The following IRAK3 variants were observed in gnomAD, a reference collection of about 807,000 sequenced individuals.
The protein encoded by IRAK3 is interleukin 1 receptor associated kinase 3.
IRAK3 carries 57 observed loss-of-function variants against 56.6 expected under a neutral mutation model. The observed-to-expected ratio is 1.01, with a 90% confidence interval of 0.81 to 1.26. IRAK3 has a LOEUF of 1.26. IRAK3 is among the 50% of genes most tolerant of loss of function. IRAK3 has a pLI of 0.00. For synonymous variants in IRAK3, 258 were observed against 255.7 expected (o/e 1.01, Z -0.09); for missense variants, 703 against 719.0 (o/e 0.98, Z 0.25).
intron 2 of IRAK3, among the ~76,000 whole-genome samples, chr12:66,207,887 C>G (rs1191827441): frequency 6.6e-6 from 1 of 152,078 alleles, no homozygotes; most frequent in African/African-American, 2.4e-5. Flanking sequence ...AGAAAATAGA[C>G]TTTGTATGAT....
chr12:66,191,963 T>C (rs1565796573), intron 1 of IRAK3, among the ~76,000 whole-genome samples: 1 of 152,248 alleles, frequency 6.6e-6, no homozygotes, highest in Non-Finnish European at 1.5e-5. Context: ...CTATATGATA[T>C]GACCAGTGTG....
chr12:66,231,140 C>G (rs2052839852), intron 8 of IRAK3, among the ~76,000 whole-genome samples: 1 of 152,166 alleles, frequency 6.6e-6, no homozygotes, highest in Admixed American at 6.5e-5. Flanking sequence ...AACACTCTTA[C>G]CTCTATCGTC....
At position 66,250,530 on chromosome 12, in the gene IRAK3, T is replaced by C. The variant is rs563549877; in HGVS notation, c.*2359T>C. On this transcript the variant is annotated 3_prime_UTR_variant, in exon 12 of 12. Coordinates refer to ENST00000261233, the MANE Select transcript of IRAK3 (RefSeq NM_007199.3). ...CTCGGTAAGCAGTTGGGAGAACCCA[T>C]GCCCACCACTGCTCTGTACGGTATC... The C allele has an allele frequency of 1.3e-5, 2 of 152,228 alleles. No individual in the cohort carries two copies. Among genetic ancestry groups the C allele is most frequent in the Non-Finnish European group, 2.9e-5 (2 of 68,050 alleles). 9.4% of individuals were successfully genotyped at this position (152,228 alleles called of 1,614,324 possible).
At chr12:66,216,024 A>G (rs2052673570) in intron 5 of IRAK3, among the ~76,000 whole-genome samples, 1 of 152,162 alleles carries the variant, frequency 6.6e-6, no homozygotes, top group African/African-American at 2.4e-5. Flanking sequence ...GCAGATTCTG[A>G]TTCAGCAGAT....
chr12:66,222,954 TA>T (rs1443947619), intron 6 of IRAK3, among the ~76,000 whole-genome samples: 24 of 151,380 alleles, frequency 1.6e-4, no homozygotes, highest in African/African-American at 4.9e-4. Context: ...CGAAGGGAGA[TA>T]GGGGTGGAGC....
rs1372140444 is a variant in IRAK3, at chr12:66,251,489, AG to A, written c.*3319del. 2.6e-5 allele frequency: 4 copies of A among 152,226 alleles called. No individual in the cohort carries two copies. The highest frequency in any genetic ancestry group is 4.4e-5 in the Non-Finnish European group (3 of 68,046). The allele number at this position is 152,226 out of a possible 1,614,324, so 9.4% of individuals were successfully genotyped here. ...ACTCTCATTTTTGTAATGCACTCTG[AG>A]CAATCCTCCAGGCAGATCCTATTTA... On this transcript the variant is annotated 3_prime_UTR_variant, in exon 12 of 12. Transcript: ENST00000261233.
chr12:66,208,398 TA>T (rs1377875596), intron 2 of IRAK3, among the ~76,000 whole-genome samples: 3 of 151,794 alleles, frequency 2.0e-5, no homozygotes, highest in Admixed American at 6.6e-5. Flanking sequence ...CAAGATGATA[TA>T]AAAAAATAAA....
intron 8 of IRAK3, among the ~76,000 whole-genome samples, chr12:66,235,390 G>A (rs2052895780): frequency 6.6e-6 from 1 of 150,988 alleles, no homozygotes; most frequent in African/African-American, 2.4e-5. Context: ...CGGGCCCCGG[G>A]CCGAGGCAGC....
At chr12:66,235,297 C>A (rs2052893418) in intron 8 of IRAK3, 2 of 1,285,258 alleles carry the variant, frequency 1.6e-6, no homozygotes, top group South Asian at 4.6e-5. Flanking sequence ...TCGCTGCGGG[C>A]CGCGGCGGCG....
intron 7 of IRAK3, 151 bp downstream of exon 7, chr12:66,226,988 T>G (rs555265575): frequency 1.6e-5 from 11 of 674,810 alleles, no homozygotes; most frequent in South Asian, 1.4e-4. Flanking sequence ...ACTTCTTGGA[T>G]TAATTTCTTA....
At chr12:66,229,242 A>T (rs907204514) in intron 8 of IRAK3, among the ~76,000 whole-genome samples, 1 of 152,228 alleles carries the variant, frequency 6.6e-6, no homozygotes, top group African/African-American at 2.4e-5. Context: ...TTTTTGAGAC[A>T]TGAGAAAATT....
intron 2 of IRAK3, among the ~76,000 whole-genome samples, chr12:66,206,674 T>A (rs1487005450): frequency 6.6e-6 from 1 of 152,238 alleles, no homozygotes; most frequent in East Asian, 1.9e-4. Context: ...ATTGGTCTGT[T>A]GTTTTCTTGT....
At chr12:66,234,839 A>G (rs1474859897) in intron 8 of IRAK3, 3 of 1,608,644 alleles carry the variant, frequency 1.9e-6, no homozygotes, top group Non-Finnish European at 2.6e-6. Flanking sequence ...TTGCTTATCC[A>G]TGGAGAGTGG....
rs1013766498 is a variant in IRAK3 at position 66,254,289 on chromosome 12, T to A, written c.*6118T>A. 4 of 152,144 alleles carry A rather than the reference T, an allele frequency of 2.6e-5. No individual in the cohort carries two copies. Among genetic ancestry groups the A allele is most frequent in the Non-Finnish European group, 5.9e-5 (4 of 68,022 alleles). 9.4% of individuals were successfully genotyped at this position (152,144 alleles called of 1,614,324 possible). On this transcript the variant is annotated 3_prime_UTR_variant, in exon 12 of 12. Coordinates refer to ENST00000261233, the MANE Select transcript of IRAK3 (RefSeq NM_007199.3). ...ACATTGGAAACAACTGAAACATCCTTCAGTAAAAGATGGATTAAATAAATT... is the reference window on the plus strand; with the variant it reads ...ACATTGGAAACAACTGAAACATCCTACAGTAAAAGATGGATTAAATAAATT...
In IRAK3 at chr12:66,217,243, T is replaced by C. The variant is rs1444387674; in HGVS notation, c.653+8T>C. On this transcript the variant is annotated splice_region_variant and intron_variant, in intron 6 of 11. Transcript: ENST00000261233. ...GCTTGAAGTTTTACTACTGTGAGTA[T>C]GTTTTCTCTGGAATTTCCTCCTCTT... 6.3e-7 allele frequency: 1 copy of C among 1,593,142 alleles called. No individual in the cohort carries two copies. The highest frequency in any genetic ancestry group is 2.2e-5 in the East Asian group (1 of 44,714).
At position 66,215,357 on chromosome 12, in the gene IRAK3, C is replaced by T. The variant is rs1565803812; in HGVS notation, c.589-1814C>T. On this transcript the variant is annotated intron_variant, in intron 5 of 11. Transcript: ENST00000261233. ...ATGGTATTGATTGCTTCTAGAACCC[C>T]TTCCCTTTCTTTCTTAAAGAAAGGT... is the stretch of plus-strand genomic sequence containing the variant. 2.0e-5 allele frequency among the ~76,000 whole-genome samples: 3 copies of T among 152,162 alleles called. No homozygotes were observed. The South Asian group carries it at 6.2e-4, about 32-fold the overall frequency.
Position 66,249,951 on chromosome 12 carries a change from C to T in IRAK3, c.*1780C>T, listed in dbSNP as rs540612726. On this transcript the variant is annotated 3_prime_UTR_variant, in exon 12 of 12. Coordinates refer to ENST00000261233, the MANE Select transcript of IRAK3 (RefSeq NM_007199.3). The stretch of plus-strand genomic sequence containing the variant: ...TCTGGAATTGGGACGTGGACATCTT[C>T]GGGGGACCATTACTCTGTCTGTCAT... 2.9e-4 allele frequency: 44 copies of T among 152,266 alleles called. No homozygotes were observed. The highest frequency in any genetic ancestry group is 1.0e-3 in the African/African-American group (42 of 41,534). The allele number at this position is 152,266 out of a possible 1,614,324, so 9.4% of individuals were successfully genotyped here.
chr12:66,213,246 A>C (rs2052631151), intron 5 of IRAK3, among the ~76,000 whole-genome samples: 1 of 152,002 alleles, frequency 6.6e-6, no homozygotes, highest in Non-Finnish European at 1.5e-5. Flanking sequence ...CAAGAACAGC[A>C]CTGGAAAGAC....
rs375264640 is a variant in IRAK3 at position 66,215,788 on chromosome 12, A to ACGTGCACGTGCGCGCGCGCGCG, written c.589-1382_589-1381insGTGCACGTGCGCGCGCGCGCGC. Among the ~76,000 whole-genome samples the ACGTGCACGTGCGCGCGCGCGCG allele has an allele frequency of 4.9e-3, 644 of 131,658 alleles. 3 individuals carry two copies. Among genetic ancestry groups the ACGTGCACGTGCGCGCGCGCGCG allele is most frequent in the Non-Finnish European group, 7.7e-3 (455 of 59,142 alleles). 86.4% of individuals were successfully genotyped at this position (131,658 alleles called of 152,430 possible). A position where few individuals can be genotyped will look rare whatever the true frequency, so the allele number is the denominator to read the frequency against. On this transcript the variant is annotated intron_variant, in intron 5 of 11. Coordinates refer to ENST00000261233, the MANE Select transcript of IRAK3 (RefSeq NM_007199.3). ...CGCCCCCTATTTTAACCCAACATGC[A>ACGTGCACGTGCGCGCGCGCGCG]CACACACACACACACACACACACAC...
Sources: gnomAD v4.1 joint callset for allele counts (sites outside exome capture counted in the v4.1 genomes callset) on GRCh38, gnomAD v4.1.1 for gene constraint, MANE v1.5 for transcripts, NCBI Gene and HGNC (gene_info 2026-07-23, HGNC 2026-07-21) for gene names.